The following CLUL1 variants were observed in gnomAD, a reference collection of about 807,000 sequenced individuals.
CLUL1 encodes the protein clusterin-like protein 1.
A neutral mutation model predicts 49.4 loss-of-function variants in CLUL1; 43 were observed. The ratio of observed to expected loss-of-function variants is 0.87; its 90% confidence interval spans 0.68 to 1.12. CLUL1 has a LOEUF of 1.12. Ranked by LOEUF, CLUL1 falls within the 50% of genes most tolerant of loss-of-function variation. The pLI is 0.00. For missense variants in CLUL1, 486 were observed against 544.4 expected (o/e 0.89, Z 1.07); for synonymous variants, 192 against 184.9 (o/e 1.04, Z -0.31).
At chr18:628,913 A>G (rs1308321165) in intron 6 of CLUL1, among the ~76,000 whole-genome samples, 3 of 152,040 alleles carry the variant, frequency 2.0e-5, no homozygotes, top group Non-Finnish European at 4.4e-5. Context: ...AATTACAAGC[A>G]TGAGCCACCA....
chr18:633,579 G>A, intron 7 of CLUL1, 144 bp downstream of exon 7: 1 of 736,534 alleles, frequency 1.4e-6, no homozygotes. Context: ...TTCTATAGAA[G>A]GGTGCGCCCT....
chr18:613,203 A>G (rs1392440959), intron 2 of CLUL1: 2 of 472,168 alleles, frequency 4.2e-6, no homozygotes, highest in South Asian at 4.2e-5. Context: ...CACTGCTGCA[A>G]TCTCAGCTCA....
chr18:605,739 C>A, intron 1 of CLUL1, among the ~76,000 whole-genome samples: 1 of 152,052 alleles, frequency 6.6e-6, no homozygotes, highest in Admixed American at 6.6e-5. Context: ...TGCAGTGGTA[C>A]GATCTTGGCT....
intron 7 of CLUL1, among the ~76,000 whole-genome samples, chr18:639,569 A>T (rs2144163363): frequency 6.6e-6 from 1 of 152,166 alleles, no homozygotes; most frequent in Non-Finnish European, 1.5e-5. Flanking sequence ...GTTCGAGACC[A>T]GCCTGGTCAG....
At chr18:635,357 C>T (rs560822525) in intron 7 of CLUL1, among the ~76,000 whole-genome samples, 10 of 152,240 alleles carry the variant, frequency 6.6e-5, no homozygotes, top group Admixed American at 3.3e-4. Context: ...GGAATGCCTC[C>T]GCTGATCTGA....
intron 7 of CLUL1, among the ~76,000 whole-genome samples, chr18:636,846 C>T (rs7233593): frequency 0.12 from 18,527 of 151,614 alleles, 1,561 homozygotes; most frequent in African/African-American, 0.23. Context: ...AGGCTGGTGG[C>T]GAACTCCTGA....
At chr18:648,689 C>G (rs1186141221) in intron 9 of CLUL1, among the ~76,000 whole-genome samples, 2 of 152,174 alleles carry the variant, frequency 1.3e-5, no homozygotes, top group Non-Finnish European at 2.9e-5. Flanking sequence ...GACAGTCTCT[C>G]TCTGTTGCCC....
chr18:607,488 T>A (rs1248031905), intron 2 of CLUL1, among the ~76,000 whole-genome samples: 3 of 152,166 alleles, frequency 2.0e-5, no homozygotes, highest in African/African-American at 7.2e-5. Context: ...GGCTGGAGTG[T>A]AGTGGTGCAA....
intron 9 of CLUL1, 154 bp from the exon 10 acceptor site, chr18:649,744 C>T: frequency 1.7e-6 from 1 of 578,324 alleles, no homozygotes; most frequent in Non-Finnish European, 3.1e-6. Flanking sequence ...ATGGGTTTCA[C>T]ATTATTTTGC....
intron 2 of CLUL1, among the ~76,000 whole-genome samples, chr18:609,883 T>C (rs2073083375): frequency 6.6e-6 from 1 of 151,244 alleles, no homozygotes; most frequent in Non-Finnish European, 1.5e-5. Flanking sequence ...GATTTTGCAT[T>C]AAGTGTGTTC....
intron 7 of CLUL1, among the ~76,000 whole-genome samples, chr18:640,097 C>G (rs1372757755): frequency 6.6e-6 from 1 of 152,164 alleles, no homozygotes; most frequent in Non-Finnish European, 1.5e-5. Context: ...TTCATGGAGT[C>G]TGGCCCTAAT....
At chr18:609,204 A>G (rs1224037718) in intron 2 of CLUL1, among the ~76,000 whole-genome samples, 1 of 152,196 alleles carries the variant, frequency 6.6e-6, no homozygotes, top group East Asian at 1.9e-4. Context: ...GTTTGTATAC[A>G]TTGAACCATC....
chr18:606,605 C>T lies in CLUL1; in HGVS notation c.-135-373C>T, dbSNP rs1243766928. On this transcript the variant is annotated intron_variant, in intron 1 of 9. Coordinates refer to ENST00000692774, the MANE Select transcript of CLUL1 (RefSeq NM_001393344.1). The surrounding 1 kb of genome is among the most constrained non-coding windows in gnomAD (Gnocchi z 4.1). Reference sequence around the variant, plus strand: ...TCAGTCAGCTTCCCAGTAATCAAGCCTGGCTTTCTCACCCAGGGCTCGCCC... The same window carrying T: ...TCAGTCAGCTTCCCAGTAATCAAGCTTGGCTTTCTCACCCAGGGCTCGCCC... Among the ~76,000 whole-genome samples the T allele has an allele frequency of 1.3e-5, 2 of 152,308 alleles. No individual in the cohort carries two copies. The highest frequency in any genetic ancestry group is 2.9e-5 in the Non-Finnish European group (2 of 68,028).
chr18:630,617 G>T (rs1180972159), intron 6 of CLUL1, among the ~76,000 whole-genome samples: 1 of 147,040 alleles, frequency 6.8e-6, no homozygotes, highest in Non-Finnish European at 1.5e-5. Flanking sequence ...ACTGGAAATG[G>T]TATAGAAATG....
At chr18:642,178 C>A (rs1385729465) in intron 8 of CLUL1, among the ~76,000 whole-genome samples, 1 of 152,194 alleles carries the variant, frequency 6.6e-6, no homozygotes, top group Non-Finnish European at 1.5e-5. Flanking sequence ...TGCCTGTAAT[C>A]CCAGCACTTT....
At chr18:623,029 A>G (rs2073546494) in intron 4 of CLUL1, among the ~76,000 whole-genome samples, 1 of 106,834 alleles carries the variant, frequency 9.4e-6, no homozygotes, top group African/African-American at 3.6e-5. Context: ...GCCTTGGAGA[A>G]ACAACTTTTT....
At chr18:599,291 G>C (rs961379612) in intron 1 of CLUL1, among the ~76,000 whole-genome samples, 2 of 152,184 alleles carry the variant, frequency 1.3e-5, no homozygotes, top group African/African-American at 4.8e-5. Flanking sequence ...TTGTCTACCA[G>C]ATTGTGATAG....
At chr18:603,404 G>A (rs1287732736) in intron 1 of CLUL1, among the ~76,000 whole-genome samples, 1 of 143,548 alleles carries the variant, frequency 7.0e-6, no homozygotes, top group Admixed American at 6.9e-5. Context: ...GGTAAATGAG[G>A]AGACAAATAC....
At position 605,864 on chromosome 18, in the gene CLUL1, T is replaced by C. The variant is rs185466865; in HGVS notation, c.-135-1114T>C. 4.4e-3 allele frequency among the ~76,000 whole-genome samples: 668 copies of C among 152,236 alleles called. 5 individuals carry two copies. The highest frequency in any genetic ancestry group is 0.016 in the African/African-American group (645 of 41,564). On this transcript the variant is annotated intron_variant, in intron 1 of 9. Coordinates refer to ENST00000692774, the MANE Select transcript of CLUL1 (RefSeq NM_001393344.1). Reference sequence around the variant, plus strand: ...GATAATTTTGTATTTTTTGTAGAGATGGGATTTTGCCATGTTGCCTGAATG... The same window carrying C: ...GATAATTTTGTATTTTTTGTAGAGACGGGATTTTGCCATGTTGCCTGAATG...
Sources: allele counts gnomAD v4.1 joint callset (sites outside exome capture counted in the v4.1 genomes callset), GRCh38; gene constraint gnomAD v4.1.1; non-coding constraint Gnocchi (gnomAD v3.1); transcripts MANE v1.5; gene names NCBI Gene and HGNC (gene_info 2026-07-23, HGNC 2026-07-21).